DNAJC27: variants seen among roughly 807,000 people sequenced by gnomAD.
DNAJC27 encodes the protein dnaJ homolog subfamily C member 27.
A neutral mutation model predicts 31.4 loss-of-function variants in DNAJC27; 25 were observed. That is an observed-to-expected ratio of 0.80 (90% CI 0.58 to 1.11). The LOEUF (loss-of-function observed/expected upper bound fraction) is 1.11, where lower values mean the gene tolerates loss of function less well. Among genes scored for constraint, DNAJC27 ranks in the 50% most tolerant of loss-of-function variants. The probability of loss-of-function intolerance (pLI) is 0.00; values close to 1 mark genes in which losing one functional copy is unlikely to be tolerated. For synonymous variants in DNAJC27, 106 were observed against 112.7 expected (o/e 0.94, Z 0.37); for missense variants, 356 against 347.3 (o/e 1.02, Z -0.20).
chr2:24,951,877 G>A (rs1259021930), intron 5 of DNAJC27, among the ~76,000 whole-genome samples: 2 of 152,158 alleles, frequency 1.3e-5, no homozygotes, highest in African/African-American at 4.8e-5. Context: ...GGGAGGCCGA[G>A]GCAGGCGGAT....
In DNAJC27 at chr2:24,971,893, G is replaced by T; in HGVS notation, c.12C>A (p.Asn4Lys). MEA[N>K]MPKRKEPGRS... ...TGCCGGGCTCCTTCCGCTTCGGCAT[G>T]TTGGCCTCCATGGCCCTGGCTCTCT... The change falls in exon 1 of 7, where the codon AAC becomes AAA. Residue 4 changes from asparagine (N) to lysine (K), a missense_variant. Physicochemically the swap from Asn to Lys is moderately conservative, Grantham distance 94. Transcript: ENST00000264711. 6.2e-7 allele frequency: 1 copy of T among 1,603,356 alleles called. No homozygotes were observed.
At chr2:24,972,041 T>C, upstream of DNAJC27, 1 of 631,038 alleles carries the variant, frequency 1.6e-6, no homozygotes, top group Non-Finnish European at 2.5e-6. Flanking sequence ...TCCCCGCCGC[T>C]GCCTGGCAGC....
Position 24,945,451 on chromosome 2 carries a change from A to G in DNAJC27, c.*2165T>C, listed in dbSNP as rs774500023. 6.6e-6 allele frequency: 1 copy of G among 152,202 alleles called. No homozygotes were observed. The highest frequency in any genetic ancestry group is 1.5e-5 in the Non-Finnish European group (1 of 68,038). The allele number at this position is 152,202 out of a possible 1,614,324, so 9.4% of individuals were successfully genotyped here. A position where few individuals can be genotyped will look rare whatever the true frequency, so the allele number is the denominator to read the frequency against. On this transcript the variant is annotated 3_prime_UTR_variant, in exon 7 of 7. Transcript: ENST00000264711. ...AATGAGGTTCCCAATCTAGTATTTAATAACAGTGATGAAAACTGGCACCAG... is the reference window on the plus strand; with the variant it reads ...AATGAGGTTCCCAATCTAGTATTTAGTAACAGTGATGAAAACTGGCACCAG...
intron 5 of DNAJC27, among the ~76,000 whole-genome samples, chr2:24,953,823 T>C (rs1320647571): frequency 5.9e-5 from 9 of 152,168 alleles, no homozygotes. Context: ...GGCTATAGAA[T>C]ACTAGGATTG....
At chr2:24,949,927 C>G (rs1573107129) in intron 6 of DNAJC27, among the ~76,000 whole-genome samples, 1 of 149,582 alleles carries the variant, frequency 6.7e-6, no homozygotes, top group African/African-American at 2.5e-5. Context: ...CTTACTGAAA[C>G]CCTACTGGCT....
intron 1 of DNAJC27, 35 bp downstream of exon 1, chr2:24,971,783 G>T (rs1367079529): frequency 6.4e-7 from 1 of 1,567,396 alleles, no homozygotes; most frequent in Non-Finnish European, 8.6e-7. Context: ...GCCCCGCCAC[G>T]CTGGGGCCCG....
intron 1 of DNAJC27, among the ~76,000 whole-genome samples, chr2:24,970,895 T>G (rs1021113154): frequency 1.3e-5 from 2 of 152,188 alleles, no homozygotes; most frequent in Non-Finnish European, 2.9e-5. Flanking sequence ...AGTAAACATT[T>G]ACTGAGCATC....
At position 24,951,477 on chromosome 2, in the gene DNAJC27, G is replaced by C. The variant is rs1159931851; in HGVS notation, c.606C>G (p.Thr202=). 1.2e-6 allele frequency: 2 copies of C among 1,613,570 alleles called. No individual in the cohort carries two copies. Among genetic ancestry groups the C allele is most frequent in the South Asian group, 2.2e-5 (2 of 90,974 alleles). The change falls in exon 6 of 7, where the codon ACC becomes ACG. Residue 202 remains threonine (T), a synonymous_variant. Coordinates refer to ENST00000264711, the MANE Select transcript of DNAJC27 (RefSeq NM_016544.3). ...TGCGAATGGCATCTGCTTGTTCTTT[G>C]GTGAAACTAGCACTGCTATTGGTGG... is the stretch of plus-strand genomic sequence containing the variant. ...RPTTNSSASF[T]KEQADAIRRI...
Position 24,971,850 on chromosome 2 carries a change from C to T in DNAJC27, c.55G>A (p.Val19Ile), listed in dbSNP as rs1239974737. The T allele has an allele frequency of 2.2e-5, 35 of 1,609,440 alleles. No individual in the cohort carries two copies. The highest frequency in any genetic ancestry group is 2.7e-5 in the Non-Finnish European group (32 of 1,178,340). ...KEPGRSLRIKVISMGNAEVGK... is the reference protein window; with the variant it reads ...KEPGRSLRIKIISMGNAEVGK... ...ACTTCGGCGTTGCCCATGGAGATGA[C>T]TTTGATGCGGAGAGACCTGCCGGGC... Residue 19 changes from valine to isoleucine, a missense_variant, in exon 1 of 7, where the codon GTC becomes ATC. Physicochemically the swap from Val to Ile is conservative, Grantham distance 29. Coordinates refer to ENST00000264711, the MANE Select transcript of DNAJC27 (RefSeq NM_016544.3).
intron 6 of DNAJC27, 139 bp downstream of exon 6, chr2:24,951,255 G>T (rs551350602): frequency 1.1e-6 from 1 of 927,602 alleles, no homozygotes; most frequent in African/African-American, 1.6e-5. Flanking sequence ...CTAATTCAGT[G>T]AAACTGAGTC....
intron 2 of DNAJC27, 35 bp from the exon 3 acceptor site, chr2:24,963,509 G>A (rs779829340): frequency 6.4e-7 from 1 of 1,554,556 alleles, no homozygotes; most frequent in Non-Finnish European, 8.9e-7. Context: ...CCGAAAGAAA[G>A]TCATGGTTTC....
chr2:24,969,457 GA>G, intron 1 of DNAJC27: 2 of 184,194 alleles, frequency 1.1e-5, no homozygotes, highest in South Asian at 1.1e-4. Flanking sequence ...TGTGAACGTT[GA>G]AAAACCATCA....
chr2:24,951,646 CCAGCAACT>C, intron 5 of DNAJC27, 92 bp from the exon 6 acceptor site: 1 of 1,133,284 alleles, frequency 8.8e-7, no homozygotes, highest in African/African-American at 1.6e-5. Context: ...TTAATATATT[CCAGCAACT>C]CTTAGAAGTC....
chr2:24,961,568 A>G (rs1411490223), intron 3 of DNAJC27, among the ~76,000 whole-genome samples: 1 of 152,022 alleles, frequency 6.6e-6, no homozygotes, highest in Non-Finnish European at 1.5e-5. Context: ...GATGCCATTA[A>G]GAACATTCGT....
chr2:24,951,874 C>T (rs188399661), intron 5 of DNAJC27, among the ~76,000 whole-genome samples: 35 of 152,100 alleles, frequency 2.3e-4, no homozygotes, highest in Admixed American at 1.9e-3. Context: ...TTTGGGAGGC[C>T]GAGGCAGGCG....
chr2:24,953,720 C>T (rs1472402514), intron 5 of DNAJC27: 8 of 164,660 alleles, frequency 4.9e-5, no homozygotes, highest in Non-Finnish European at 8.8e-5. Context: ...TTCTAGCCTA[C>T]GAGTTAACCT....
At chr2:24,951,580 G>A (rs1665776094) in intron 5 of DNAJC27, 26 bp from the exon 6 acceptor site, 2 of 1,576,246 alleles carry the variant, frequency 1.3e-6, no homozygotes, top group African/African-American at 2.7e-5. Flanking sequence ...ATAACCCAGG[G>A]TAGAAATGAT....
rs1558554908 is a variant in DNAJC27 at position 24,962,216 on chromosome 2, CT to C, written c.240+1188del. 7.5e-4 allele frequency among the ~76,000 whole-genome samples: 40 copies of C among 53,592 alleles called. 1 individual carries two copies. The highest frequency in any genetic ancestry group is 2.2e-3 in the African/African-American group (29 of 12,910). The allele number at this position is 53,592 out of a possible 152,430, so 35.2% of individuals were successfully genotyped here. A position where few individuals can be genotyped will look rare whatever the true frequency, so the allele number is the denominator to read the frequency against. ...GGAAACTAAACAACATACTTTTTTTCTTTTGTTTTTTTTTGTGTTTTTTGTT... is the reference window on the plus strand; with the variant it reads ...GGAAACTAAACAACATACTTTTTTTCTTTGTTTTTTTTTGTGTTTTTTGTT... On this transcript the variant is annotated intron_variant, in intron 3 of 6. Transcript: ENST00000264711.
Position 24,947,590 on chromosome 2 carries a change from C to T in DNAJC27, c.*26G>A. The T allele has an allele frequency of 6.4e-7, 1 of 1,572,286 alleles. No individual in the cohort carries two copies. Among genetic ancestry groups the T allele is most frequent in the Non-Finnish European group, 8.7e-7 (1 of 1,149,946 alleles). On this transcript the variant is annotated 3_prime_UTR_variant, in exon 7 of 7. Transcript: ENST00000264711. ...GGGAAAGTCTGTTTGCATTTGAGTC[C>T]CACATGTGGCTTTTTTCTGTACTTT...
Sources: gnomAD v4.1 joint callset for allele counts (sites outside exome capture counted in the v4.1 genomes callset) on GRCh38, gnomAD v4.1.1 for gene constraint, MANE v1.5 for transcripts, NCBI Gene and HGNC (gene_info 2026-07-23, HGNC 2026-07-21) for gene names.